FRMD5: variants seen among roughly 807,000 people sequenced by gnomAD.
The protein encoded by FRMD5 is FERM domain containing 5.
A neutral mutation model predicts 69.0 loss-of-function variants in FRMD5; 20 were observed. The ratio of observed to expected loss-of-function variants is 0.29; its 90% CI spans 0.20 to 0.42. FRMD5 has a LOEUF of 0.42. FRMD5 is among the 10% of genes least tolerant of loss of function. FRMD5 has a pLI of 1.00. For missense variants in FRMD5, 595 were observed against 708.6 expected (o/e 0.84, Z 1.82); for synonymous variants, 271 against 260.1 (o/e 1.04, Z -0.40).
At chr15:44,038,520 C>CTTT (rs71111834) in intron 1 of FRMD5, among the ~76,000 whole-genome samples, 10 of 63,198 alleles carry the variant, frequency 1.6e-4, no homozygotes, top group Non-Finnish European at 2.5e-4. Flanking sequence ...CTAGCCAGAG[C>CTTT]TTTTTTTTTT....
intron 7 of FRMD5, among the ~76,000 whole-genome samples, chr15:43,900,577 G>A (rs1362198074): frequency 1.1e-4 from 16 of 151,338 alleles, no homozygotes; most frequent in Admixed American, 1.1e-3. Flanking sequence ...GGGACCAAAG[G>A]ACACTGCTTT....
rs561995102 is a variant in FRMD5, at chr15:44,015,314, T to A, written c.103-91005A>T. ...CCATGCCTGGCTACATTTTTACCTT[T>A]TGGTTTTTACAGAGCTGGGGTCTCA... On this transcript the variant is annotated intron_variant, in intron 1 of 13. Coordinates refer to ENST00000417257, the MANE Select transcript of FRMD5 (RefSeq NM_032892.5). Among the ~76,000 whole-genome samples, 3 of 152,090 alleles carry A rather than the reference T, an allele frequency of 2.0e-5. No individual in the cohort carries two copies. In the South Asian group the frequency reaches 6.3e-4, roughly 32 times the overall value.
At chr15:44,089,208 A>G (rs141026156) in intron 1 of FRMD5, among the ~76,000 whole-genome samples, 59 of 152,048 alleles carry the variant, frequency 3.9e-4, no homozygotes, top group African/African-American at 1.4e-3. Flanking sequence ...CCCTTTTCCC[A>G]CTCTACAGCA....
At chr15:44,006,306 G>C (rs1022570200) in intron 1 of FRMD5, among the ~76,000 whole-genome samples, 1 of 152,058 alleles carries the variant, frequency 6.6e-6, no homozygotes, top group Non-Finnish European at 1.5e-5. Flanking sequence ...GAGACCTGCT[G>C]CTCAAAAAGA....
At chr15:44,083,915 A>C (rs1894091009) in intron 1 of FRMD5, among the ~76,000 whole-genome samples, 1 of 151,998 alleles carries the variant, frequency 6.6e-6, no homozygotes, top group Non-Finnish European at 1.5e-5. Flanking sequence ...CTTATCCTCA[A>C]AAGGCTTGAA....
chr15:44,181,350 A>AT (rs1014942738), intron 1 of FRMD5, among the ~76,000 whole-genome samples: 1 of 151,976 alleles, frequency 6.6e-6, no homozygotes, highest in South Asian at 2.1e-4. Flanking sequence ...ACCTTTTTAC[A>AT]TTTTTTTATT....
chr15:43,987,635 A>G (rs1037538078), intron 1 of FRMD5, among the ~76,000 whole-genome samples: 2 of 151,988 alleles, frequency 1.3e-5, no homozygotes, highest in Non-Finnish European at 2.9e-5. Context: ...CTGTAACCTC[A>G]GCCTCCTGGG....
upstream of FRMD5, chr15:44,195,307 C>T: frequency 2.0e-6 from 1 of 499,974 alleles, no homozygotes; most frequent in Non-Finnish European, 3.5e-6. Context: ...GCCCAGCTCG[C>T]GGGGCGGGGC....
chr15:44,184,617 G>A (rs2140580113), intron 1 of FRMD5, among the ~76,000 whole-genome samples: 1 of 152,248 alleles, frequency 6.6e-6, no homozygotes, highest in South Asian at 2.1e-4. Flanking sequence ...AAGCAGTGAT[G>A]GCAATTAGAA....
chr15:44,199,273 C>T (rs778557657), upstream of FRMD5, among the ~76,000 whole-genome samples: 1 of 152,142 alleles, frequency 6.6e-6, no homozygotes, highest in South Asian at 2.1e-4. Context: ...GTAACTTGGA[C>T]GTATGACATA....
intron 1 of FRMD5, among the ~76,000 whole-genome samples, chr15:44,120,268 G>A (rs573983423): frequency 6.6e-6 from 1 of 152,272 alleles, no homozygotes; most frequent in African/African-American, 2.4e-5. Flanking sequence ...GAATAGGAAA[G>A]AACTGTCTAG....
intron 1 of FRMD5, among the ~76,000 whole-genome samples, chr15:44,147,484 A>C (rs1339758817): frequency 6.6e-6 from 1 of 152,150 alleles, no homozygotes; most frequent in Non-Finnish European, 1.5e-5. Flanking sequence ...TATGAATTTT[A>C]AAGTAGTTTT....
intron 1 of FRMD5, among the ~76,000 whole-genome samples, chr15:44,181,524 T>C (rs2078000710): frequency 6.6e-6 from 1 of 152,104 alleles, no homozygotes; most frequent in South Asian, 2.1e-4. Context: ...TACCATAAAA[T>C]TCACCATTTT....
At chr15:44,074,152 T>C (rs372599446) in intron 1 of FRMD5, among the ~76,000 whole-genome samples, 1 of 152,212 alleles carries the variant, frequency 6.6e-6, no homozygotes, top group East Asian at 1.9e-4. Flanking sequence ...TGTTTATCTA[T>C]AAAATGAGTA....
intron 1 of FRMD5, among the ~76,000 whole-genome samples, chr15:44,066,927 A>G (rs1302817319): frequency 1.3e-5 from 2 of 152,176 alleles, no homozygotes; most frequent in Admixed American, 1.3e-4. Context: ...AGGGGCAACA[A>G]AGACCTGAGA....
At chr15:44,124,239 C>A (rs1034108941) in intron 1 of FRMD5, among the ~76,000 whole-genome samples, 1 of 151,776 alleles carries the variant, frequency 6.6e-6, no homozygotes, top group African/African-American at 2.4e-5. Context: ...GTGATCTGCC[C>A]GCCTCGGCCT....
intron 1 of FRMD5, among the ~76,000 whole-genome samples, chr15:44,168,939 T>A (rs532001256): frequency 7.2e-5 from 11 of 152,226 alleles, no homozygotes; most frequent in Non-Finnish European, 1.5e-4. Context: ...CTGTTGTTCC[T>A]TGATCAATAT....
chr15:44,099,958 GCACTCTGAAAGCCCCCCTA>G (rs1167187122), intron 1 of FRMD5, among the ~76,000 whole-genome samples: 1 of 151,322 alleles, frequency 6.6e-6, no homozygotes, highest in African/African-American at 2.4e-5. Flanking sequence ...CATTTAACAA[GCACTCTGAAAGCCCCCCTA>G]CACTCTGAGT....
intron 6 of FRMD5, among the ~76,000 whole-genome samples, chr15:43,905,311 A>G (rs1566826223): frequency 6.6e-6 from 1 of 151,568 alleles, no homozygotes; most frequent in Non-Finnish European, 1.5e-5. Context: ...TAATTTTTGT[A>G]TTTTTAGTAG....
Sources: allele counts gnomAD v4.1 joint callset (sites outside exome capture counted in the v4.1 genomes callset), GRCh38; gene constraint gnomAD v4.1.1; transcripts MANE v1.5; gene names NCBI Gene and HGNC (gene_info 2026-07-23, HGNC 2026-07-21).